PRKD1: variants seen among roughly 807,000 people sequenced by gnomAD.
The protein encoded by PRKD1 is protein kinase D1.
In PRKD1, 63 loss-of-function variants were observed where a neutral mutation model predicts 95.9. The ratio of observed to expected loss-of-function variants is 0.66; its 90% CI spans 0.54 to 0.81. The LOEUF is 0.81. Ranked by LOEUF, PRKD1 falls within the 30% of genes least tolerant of loss-of-function variation. PRKD1 has a pLI of 0.00. For missense variants in PRKD1, 1,048 were observed against 1,165.3 expected (o/e 0.90, Z 1.47); for synonymous variants, 425 against 423.1 (o/e 1.00, Z -0.05).
intron 17 of PRKD1, 132 bp from the exon 18 acceptor site, chr14:29,577,588 C>G (rs532247030): frequency 1.9e-5 from 16 of 858,766 alleles, no homozygotes; most frequent in Admixed American, 2.1e-5. Context: ...TCTTTCATCA[C>G]GCATCCTCAA....
At chr14:29,683,884 T>TA (rs1435866892) in intron 2 of PRKD1, among the ~76,000 whole-genome samples, 1 of 152,244 alleles carries the variant, frequency 6.6e-6, no homozygotes, top group East Asian at 1.9e-4. Context: ...TTTTGGAATT[T>TA]AAAGAGTCTG....
intron 1 of PRKD1, among the ~76,000 whole-genome samples, chr14:29,863,602 T>C (rs1892782271): frequency 6.6e-6 from 1 of 152,178 alleles, no homozygotes; most frequent in Admixed American, 6.6e-5. Context: ...AGGAGATTTA[T>C]ATCTCCTCTG....
At chr14:29,691,843 A>G (rs758020826) in intron 2 of PRKD1, among the ~76,000 whole-genome samples, 2 of 152,114 alleles carry the variant, frequency 1.3e-5, no homozygotes, top group Non-Finnish European at 2.9e-5. Flanking sequence ...TGTCGTCACC[A>G]TATCACAAAC....
At position 29,927,647 on chromosome 14, in the gene PRKD1, T is replaced by G; in HGVS notation, c.-135A>C. On this transcript the variant is annotated 5_prime_UTR_variant, in exon 1 of 18. Transcript: ENST00000331968. ...GGAAAATAAAAACTTTCCGGAAAAG[T>G]CCCTGGGCTGGGGGAGGGCAAGGGG... 1.1e-5 allele frequency: 6 copies of G among 551,440 alleles called. No homozygotes were observed. Among genetic ancestry groups the G allele is most frequent in the African/African-American group, 2.3e-5 (1 of 44,376 alleles). The allele number at this position is 551,440 out of a possible 1,614,324, so 34.2% of individuals were successfully genotyped here. A position where few individuals can be genotyped will look rare whatever the true frequency, so the allele number is the denominator to read the frequency against.
intron 1 of PRKD1, among the ~76,000 whole-genome samples, chr14:29,909,813 A>G (rs914227787): frequency 6.6e-6 from 1 of 152,036 alleles, no homozygotes; most frequent in East Asian, 1.9e-4. Flanking sequence ...AAACACACCA[A>G]TCAGCACCCT....
Position 29,758,911 on chromosome 14 carries a change from T to C in PRKD1, c.265-33237A>G, listed in dbSNP as rs1887838119. Among the ~76,000 whole-genome samples, 2 of 152,208 alleles carry C rather than the reference T, an allele frequency of 1.3e-5. 1 individual carries two copies. Among genetic ancestry groups the C allele is most frequent in the Admixed American group, 1.3e-4 (2 of 15,288 alleles). ...TTATTTTCCATACTGCAAATATATT[T>C]ATTTGGTATAAGCACATTCACTTCT... On this transcript the variant is annotated intron_variant, in intron 1 of 17. Coordinates refer to ENST00000331968, the MANE Select transcript of PRKD1 (RefSeq NM_002742.3).
chr14:29,851,138 G>T (rs1476242764), intron 1 of PRKD1, among the ~76,000 whole-genome samples: 1 of 152,062 alleles, frequency 6.6e-6, no homozygotes, highest in African/African-American at 2.4e-5. Context: ...AGAAAACCTA[G>T]AAAATGTCCG....
rs11629184 is a variant in PRKD1 at position 29,578,270 on chromosome 14, T to C, written c.2520+5A>G. The C allele has an allele frequency of 6.3e-7, 1 of 1,590,268 alleles. No individual in the cohort carries two copies. The highest frequency in any genetic ancestry group is 1.7e-5 in the Admixed American group (1 of 57,458). On this transcript the variant is annotated splice_donor_5th_base_variant and intron_variant, in intron 17 of 17. Coordinates refer to ENST00000331968, the MANE Select transcript of PRKD1 (RefSeq NM_002742.3). ...AACTAAGAAAACTCAGTGATTATTG[T>C]TTACCTGTAGCCAAGGGTGGCTCAA...
chr14:29,925,309 G>C (rs1280570878), intron 1 of PRKD1, among the ~76,000 whole-genome samples: 1 of 152,042 alleles, frequency 6.6e-6, no homozygotes, highest in Non-Finnish European at 1.5e-5. Context: ...AACATTTTTG[G>C]CATTCTAAAA....
Position 29,902,174 on chromosome 14 carries a change from G to A in PRKD1, c.264+25075C>T, listed in dbSNP as rs377137792. On this transcript the variant is annotated intron_variant, in intron 1 of 17. Transcript: ENST00000331968. ...CTTGGAAGGCTGAGGCAGGAGAACT[G>A]CTTGAACCCGGGAGGCAGAGGTTGC... Among the ~76,000 whole-genome samples the A allele has an allele frequency of 1.4e-4, 22 of 151,978 alleles. No homozygotes were observed. In the East Asian group the frequency reaches 2.3e-3, roughly 16 times the overall value.
chr14:29,589,488 A>T (rs1181767387), intron 16 of PRKD1, among the ~76,000 whole-genome samples: 1 of 152,192 alleles, frequency 6.6e-6, no homozygotes, highest in African/African-American at 2.4e-5. Flanking sequence ...TTTGACCTTC[A>T]CACTTGACTA....
chr14:29,624,906 C>A (rs1198548291), intron 12 of PRKD1, among the ~76,000 whole-genome samples: 2 of 152,214 alleles, frequency 1.3e-5, no homozygotes, highest in East Asian at 3.9e-4. Flanking sequence ...AGGAATTCTA[C>A]GGAGCACCCC....
intron 13 of PRKD1, among the ~76,000 whole-genome samples, chr14:29,605,256 GC>G (rs1381720917): frequency 6.6e-6 from 1 of 152,128 alleles, no homozygotes; most frequent in Non-Finnish European, 1.5e-5. Flanking sequence ...CTTGCTTCAA[GC>G]CCACAAATGA....
At chr14:29,801,242 A>T (rs1277552329) in intron 1 of PRKD1, among the ~76,000 whole-genome samples, 1 of 152,208 alleles carries the variant, frequency 6.6e-6, no homozygotes, top group Non-Finnish European at 1.5e-5. Context: ...CAACTGATTG[A>T]TGAGGCCTCC....
Position 29,839,092 on chromosome 14 carries a change from C to T in PRKD1, c.264+88157G>A, listed in dbSNP as rs118055572. 4.9e-3 allele frequency among the ~76,000 whole-genome samples: 739 copies of T among 150,568 alleles called. 3 individuals carry two copies. Among genetic ancestry groups the T allele is most frequent in the Middle Eastern group, 0.028 (8 of 290 alleles). The stretch of plus-strand genomic sequence containing the variant: ...ATGTCAAACCATTCACATCAATAAA[C>T]GAAAAAAAAAATTCCTCGTTTATGC... On this transcript the variant is annotated intron_variant, in intron 1 of 17. Transcript: ENST00000331968.
intron 1 of PRKD1, among the ~76,000 whole-genome samples, chr14:29,826,186 A>G (rs1891102070): frequency 7.1e-6 from 1 of 140,822 alleles, no homozygotes; most frequent in Non-Finnish European, 1.5e-5. Context: ...GAATATATAT[A>G]TACATATATA....
intron 6 of PRKD1, among the ~76,000 whole-genome samples, chr14:29,637,168 G>A (rs945907833): frequency 4.6e-5 from 7 of 151,434 alleles, no homozygotes; most frequent in Non-Finnish European, 1.0e-4. Context: ...GCCCTGGTGG[G>A]AAAAAAAAGT....
intron 1 of PRKD1, among the ~76,000 whole-genome samples, chr14:29,744,021 A>AT (rs1397319426): frequency 6.6e-6 from 1 of 152,018 alleles, no homozygotes; most frequent in African/African-American, 2.4e-5. Context: ...CAGAAAGTTT[A>AT]TTTTCTCTGT....
At chr14:29,606,204 G>T (rs1484889882) in intron 13 of PRKD1, among the ~76,000 whole-genome samples, 1 of 152,034 alleles carries the variant, frequency 6.6e-6, no homozygotes, top group Non-Finnish European at 1.5e-5. Context: ...GTGGAAACGG[G>T]GTTTCACCAT....
Sources: gnomAD v4.1 joint callset for allele counts (sites outside exome capture counted in the v4.1 genomes callset) on GRCh38, gnomAD v4.1.1 for gene constraint, MANE v1.5 for transcripts, NCBI Gene and HGNC (gene_info 2026-07-23, HGNC 2026-07-21) for gene names.